SPATA17: variants seen among roughly 807,000 people sequenced by gnomAD.
SPATA17 encodes the protein spermatogenesis associated 17, also known as spermatogenesis-associated protein 17.
In SPATA17, 53 loss-of-function variants were observed where a neutral mutation model predicts 62.2. The observed-to-expected ratio is 0.85, with a 90% CI of 0.68 to 1.07. The LOEUF is 1.07. Among genes scored for constraint, SPATA17 ranks in the 50% least tolerant of loss-of-function variants. The pLI is 0.00. For synonymous variants in SPATA17, 146 were observed against 146.8 expected (o/e 0.99, Z 0.04); for missense variants, 466 against 425.5 (o/e 1.10, Z -0.84).
intron 5 of SPATA17, among the ~76,000 whole-genome samples, chr1:217,702,673 T>C: frequency 6.6e-6 from 1 of 152,232 alleles, no homozygotes; most frequent in Non-Finnish European, 1.5e-5. Context: ...CTGTTACTTT[T>C]AAAATTTCAC....
At chr1:217,703,174 C>CTTTTTTTTTTTTTTTTTTTTTTT (rs1203063860) in intron 5 of SPATA17, among the ~76,000 whole-genome samples, 2 of 105,508 alleles carry the variant, frequency 1.9e-5, no homozygotes, top group Admixed American at 9.7e-5. Flanking sequence ...TGCGCTCGGC[C>CTTTTTTTTTTTTTTTTTTTTTTT]TTTTTTTTTT....
intron 6 of SPATA17, among the ~76,000 whole-genome samples, chr1:217,754,986 T>A (rs972902253): frequency 1.3e-5 from 2 of 152,104 alleles, no homozygotes; most frequent in African/African-American, 4.8e-5. Flanking sequence ...ACTGTTAAGA[T>A]CATAAGTATT....
intron 7 of SPATA17, among the ~76,000 whole-genome samples, 162 bp downstream of exon 7, chr1:217,774,699 T>A (rs368737912): frequency 5.9e-5 from 9 of 152,350 alleles, no homozygotes; most frequent in African/African-American, 1.4e-4. Flanking sequence ...AGAACTCTTT[T>A]CATCTTGGAG....
chr1:217,777,279 A>G (rs755778130), intron 7 of SPATA17, among the ~76,000 whole-genome samples: 4 of 152,032 alleles, frequency 2.6e-5, no homozygotes, highest in Non-Finnish European at 4.4e-5. Flanking sequence ...CTATTAACTG[A>G]TGGTTTATAC....
chr1:217,857,387 C>T (rs1675808909), intron 9 of SPATA17, among the ~76,000 whole-genome samples: 1 of 152,170 alleles, frequency 6.6e-6, no homozygotes. Context: ...CCAAAGACTC[C>T]TAAATTGTCC....
chr1:217,745,626 TCTTAA>T (rs1424186098), intron 6 of SPATA17, among the ~76,000 whole-genome samples: 10 of 152,120 alleles, frequency 6.6e-5, no homozygotes, highest in South Asian at 2.1e-4. Flanking sequence ...TAAACATGAA[TCTTAA>T]CTTAAACTTA....
intron 5 of SPATA17, among the ~76,000 whole-genome samples, chr1:217,725,312 G>A (rs1241310823): frequency 1.3e-5 from 2 of 151,896 alleles, no homozygotes; most frequent in Admixed American, 1.3e-4. Flanking sequence ...CTCTTTCTTT[G>A]TAATCCTACA....
chr1:217,819,448 G>A (rs996447856), intron 9 of SPATA17, among the ~76,000 whole-genome samples: 10 of 151,776 alleles, frequency 6.6e-5, no homozygotes, highest in African/African-American at 2.2e-4. Context: ...TTCCCTAGAA[G>A]CAATAGCTTC....
chr1:217,758,905 G>T (rs1262018743), intron 6 of SPATA17, among the ~76,000 whole-genome samples: 3 of 152,154 alleles, frequency 2.0e-5, no homozygotes, highest in Non-Finnish European at 4.4e-5. Flanking sequence ...GAGCAGTCTG[G>T]ATGATGGGGA....
chr1:217,649,590 TTGAC>T (rs1323112344), intron 2 of SPATA17, among the ~76,000 whole-genome samples: 1 of 152,188 alleles, frequency 6.6e-6, no homozygotes, highest in Non-Finnish European at 1.5e-5. Context: ...AATAAATTCA[TTGAC>T]TGGTAAGAAA....
At chr1:217,747,143 C>T (rs999400976) in intron 6 of SPATA17, among the ~76,000 whole-genome samples, 21 of 151,994 alleles carry the variant, frequency 1.4e-4, no homozygotes, top group African/African-American at 5.1e-4. Flanking sequence ...AAGTAAAATG[C>T]AAATATTGCT....
At chr1:217,657,525 G>A (rs1444904443) in intron 3 of SPATA17, among the ~76,000 whole-genome samples, 2 of 152,142 alleles carry the variant, frequency 1.3e-5, no homozygotes, top group Non-Finnish European at 2.9e-5. Flanking sequence ...TGAGGATACT[G>A]TTTGAACCTC....
intron 1 of SPATA17, among the ~76,000 whole-genome samples, chr1:217,636,886 A>C (rs1156718268): frequency 2.0e-5 from 3 of 152,244 alleles, no homozygotes; most frequent in Admixed American, 1.3e-4. Context: ...TAACACTTAA[A>C]AATTTTTAAA....
intron 9 of SPATA17, among the ~76,000 whole-genome samples, chr1:217,847,795 C>T (rs12759918): frequency 0.61 from 93,172 of 151,936 alleles, 28,973 homozygotes; most frequent in Non-Finnish European, 0.66. Context: ...TTCCAGCCCA[C>T]TGGGAGGCAG....
intron 9 of SPATA17, among the ~76,000 whole-genome samples, chr1:217,832,907 G>A (rs1160432432): frequency 2.0e-5 from 3 of 151,560 alleles, no homozygotes; most frequent in Non-Finnish European, 2.9e-5. Flanking sequence ...TTGTACCACT[G>A]CATTCCAGCC....
intron 5 of SPATA17, among the ~76,000 whole-genome samples, chr1:217,684,440 A>G (rs1373480924): frequency 1.3e-5 from 2 of 151,686 alleles, no homozygotes; most frequent in African/African-American, 4.8e-5. Context: ...TTTGAGACGG[A>G]GTCTTCCTCT....
At chr1:217,702,301 T>G (rs1392133158) in intron 5 of SPATA17, among the ~76,000 whole-genome samples, 1 of 152,190 alleles carries the variant, frequency 6.6e-6, no homozygotes, top group Non-Finnish European at 1.5e-5. Flanking sequence ...CACTAATGTC[T>G]AAGCTTTATT....
In SPATA17 at chr1:217,770,978, A is replaced by AATTTTTTTTTTTTTTTTTTTTTTTTTTT. The variant is rs1553251071; in HGVS notation, c.520-3356_520-3355insATTTTTTTTTTTTTTTTTTTTTTTTTTT. On this transcript the variant is annotated intron_variant, in intron 6 of 10. Coordinates refer to ENST00000366933, the MANE Select transcript of SPATA17 (RefSeq NM_138796.4). The stretch of plus-strand genomic sequence containing the variant: ...ATGTATCTATTATATAACTCATTGC[A>AATTTTTTTTTTTTTTTTTTTTTTTTTTT]TTTTTTTTTTTTTTTTTTTTTTTTT... 1.4e-4 allele frequency among the ~76,000 whole-genome samples: 7 copies of AATTTTTTTTTTTTTTTTTTTTTTTTTTT among 50,148 alleles called. 1 individual carries two copies. The highest frequency in any genetic ancestry group is 2.6e-4 in the African/African-American group (3 of 11,554). 32.9% of individuals were successfully genotyped at this position (50,148 alleles called of 152,430 possible).
At chr1:217,803,983 A>G (rs1674373825) in intron 9 of SPATA17, among the ~76,000 whole-genome samples, 1 of 151,946 alleles carries the variant, frequency 6.6e-6, no homozygotes, top group South Asian at 2.1e-4. Flanking sequence ...GTGCCACTGC[A>G]CTCCAGCCTG....
Sources: allele counts gnomAD v4.1 joint callset (sites outside exome capture counted in the v4.1 genomes callset), GRCh38; gene constraint gnomAD v4.1.1; transcripts MANE v1.5; gene names NCBI Gene and HGNC (gene_info 2026-07-23, HGNC 2026-07-21).